STOX2: variants seen among roughly 807,000 people sequenced by gnomAD.
STOX2 encodes storkhead box 2, also known as storkhead-box protein 2.
A neutral mutation model predicts 60.9 loss-of-function variants in STOX2; 28 were observed. The ratio of observed to expected loss-of-function variants is 0.46; its 90% confidence interval spans 0.34 to 0.63. The LOEUF is 0.63. Ranked by LOEUF, STOX2 falls within the 30% of genes least tolerant of loss-of-function variation. The pLI is 0.01. For missense variants in STOX2, 1,024 were observed against 1,187.7 expected, an observed-to-expected ratio of 0.86 and a Z score of 2.03; for synonymous variants, 472 against 463.9, an observed-to-expected ratio of 1.02 and a Z score of -0.22.
At chr4:183,928,924 T>C (rs1742324235) in intron 1 of STOX2, among the ~76,000 whole-genome samples, 1 of 152,110 alleles carries the variant, frequency 6.6e-6, no homozygotes, top group Admixed American at 6.6e-5. Flanking sequence ...AAAATGACGA[T>C]GTCTGAGAAA....
intron 1 of STOX2, among the ~76,000 whole-genome samples, chr4:183,976,796 A>AGGAT: frequency 6.6e-6 from 1 of 152,360 alleles, no homozygotes; most frequent in South Asian, 2.1e-4. Flanking sequence ...AAACAGGGCA[A>AGGAT]GGATGTTCAC....
intron 1 of STOX2, among the ~76,000 whole-genome samples, chr4:183,835,471 G>A (rs1422747373): frequency 1.3e-5 from 2 of 152,046 alleles, no homozygotes; most frequent in African/African-American, 4.8e-5. Flanking sequence ...TGATCCACCT[G>A]CCTCGGCCTC....
Position 183,995,848 on chromosome 4 carries a change from A to G in STOX2, c.167-5477A>G, listed in dbSNP as rs558511732. On this transcript the variant is annotated intron_variant, in intron 1 of 3. Coordinates refer to ENST00000308497, the MANE Select transcript of STOX2 (RefSeq NM_020225.3). The stretch of plus-strand genomic sequence containing the variant: ...GAACCTGCCGCAGCTCCCCAGTCTC[A>G]GCTCCCCGGGCTGCCTGGGCTCAGC... Among the ~76,000 whole-genome samples, 229 of 152,284 alleles carry G rather than the reference A, an allele frequency of 1.5e-3. 1 individual carries two copies. The highest frequency in any genetic ancestry group is 5.1e-3 in the African/African-American group (214 of 41,562).
At chr4:183,850,769 C>T (rs1034717569) in intron 1 of STOX2, among the ~76,000 whole-genome samples, 3 of 152,018 alleles carry the variant, frequency 2.0e-5, no homozygotes, top group Admixed American at 6.6e-5. Context: ...AACATGTTGC[C>T]ACCTTCTCCT....
At chr4:183,996,891 T>C (rs1733367955) in intron 1 of STOX2, among the ~76,000 whole-genome samples, 1 of 152,258 alleles carries the variant, frequency 6.6e-6, no homozygotes, top group South Asian at 2.1e-4. Context: ...ATTTGTTCTC[T>C]TTTTGTTTGC....
chr4:183,940,100 G>A (rs1235938067), intron 1 of STOX2, among the ~76,000 whole-genome samples: 5 of 152,116 alleles, frequency 3.3e-5, no homozygotes, highest in East Asian at 1.9e-4. Flanking sequence ...TCGGGGTTTC[G>A]CCATGCTGGA....
chr4:183,905,487 C>T lies in STOX2; in HGVS notation c.-1304C>T, dbSNP rs996367199. 1.3e-5 allele frequency: 2 copies of T among 152,226 alleles called. No individual in the cohort carries two copies. Among genetic ancestry groups the T allele is most frequent in the Non-Finnish European group, 2.9e-5 (2 of 68,086 alleles). The allele number at this position is 152,226 out of a possible 1,614,324, so 9.4% of individuals were successfully genotyped here. ...CGGCGTGTGCGGTTGTGGGGGAGCT[C>T]GCCGTGGCCTCCCCTCCCTCTGGCT... On this transcript the variant is annotated 5_prime_UTR_variant, in exon 1 of 4. Transcript: ENST00000308497.
chr4:183,967,449 G>A (rs1358273958), intron 1 of STOX2, among the ~76,000 whole-genome samples: 5 of 151,950 alleles, frequency 3.3e-5, no homozygotes, highest in South Asian at 2.1e-4. Flanking sequence ...GTTTATCATC[G>A]AGAAAGTGAG....
intron 1 of STOX2, among the ~76,000 whole-genome samples, chr4:183,813,941 CAT>C (rs1176613130): frequency 6.6e-6 from 1 of 152,158 alleles, no homozygotes; most frequent in Non-Finnish European, 1.5e-5. Flanking sequence ...TCTAAATGTT[CAT>C]ATAGTTTGAT....
intron 1 of STOX2, among the ~76,000 whole-genome samples, chr4:183,979,483 T>C (rs1374801200): frequency 6.6e-5 from 10 of 152,190 alleles, no homozygotes; most frequent in Non-Finnish European, 1.5e-4. Flanking sequence ...ATTAACCAGA[T>C]CAGTACTGTC....
At chr4:183,979,205 G>A (rs1732562169) in intron 1 of STOX2, among the ~76,000 whole-genome samples, 4 of 152,148 alleles carry the variant, frequency 2.6e-5, no homozygotes. Context: ...TGGATGGCCA[G>A]AGCAGGAGAA....
chr4:183,988,334 C>T (rs1486110296), intron 1 of STOX2: 2 of 151,998 alleles, frequency 1.3e-5, no homozygotes. Flanking sequence ...GGGATGTTGG[C>T]TCAGCAAGTG....
At chr4:183,854,387 A>G (rs1295133536) in intron 1 of STOX2, among the ~76,000 whole-genome samples, 1 of 152,152 alleles carries the variant, frequency 6.6e-6, no homozygotes, top group East Asian at 1.9e-4. Flanking sequence ...TAGAGACTAA[A>G]CATAAAACAT....
intron 1 of STOX2, among the ~76,000 whole-genome samples, chr4:183,978,664 G>A (rs1454617497): frequency 6.6e-6 from 1 of 152,122 alleles, no homozygotes; most frequent in African/African-American, 2.4e-5. Context: ...CAACAGCATG[G>A]ATACATTTTA....
At chr4:184,006,994 C>T (rs550514984) in intron 2 of STOX2, among the ~76,000 whole-genome samples, 10 of 109,014 alleles carry the variant, frequency 9.2e-5, no homozygotes, top group East Asian at 2.9e-4. Flanking sequence ...CCAGCCTGGG[C>T]GACAGAGCGA....
Position 183,947,083 on chromosome 4 carries a change from G to T in STOX2, c.166+40127G>T, listed in dbSNP as rs1356069989. On this transcript the variant is annotated intron_variant, in intron 1 of 3. Coordinates refer to ENST00000308497, the MANE Select transcript of STOX2 (RefSeq NM_020225.3). The stretch of plus-strand genomic sequence containing the variant: ...CCGTGGATTTCGGTATCCTGGTGGG[G>T]GGTGGGGCAAGGGGGCTCCTGGAAC... Among the ~76,000 whole-genome samples the T allele has an allele frequency of 3.1e-4, 12 of 38,966 alleles. No homozygotes were observed. The Admixed American group carries it at 3.6e-3, about 12-fold the overall frequency. The allele number at this position is 38,966 out of a possible 152,430, so 25.6% of individuals were successfully genotyped here.
At chr4:183,838,365 A>G (rs539128925) in intron 1 of STOX2, among the ~76,000 whole-genome samples, 1 of 151,924 alleles carries the variant, frequency 6.6e-6, no homozygotes, top group East Asian at 1.9e-4. Flanking sequence ...TTTGTTAAAT[A>G]AATAAATACA....
chr4:183,920,530 C>T (rs183997383), intron 1 of STOX2, among the ~76,000 whole-genome samples: 2 of 152,274 alleles, frequency 1.3e-5, no homozygotes, highest in African/African-American at 4.8e-5. Flanking sequence ...TTTTAGGGCT[C>T]CTTGCATATT....
At chr4:183,954,236 G>C (rs1236388592) in intron 1 of STOX2, among the ~76,000 whole-genome samples, 1 of 152,150 alleles carries the variant, frequency 6.6e-6, no homozygotes, top group African/African-American at 2.4e-5. Context: ...CTGGCGGATT[G>C]ATTTCTGCCC....
Sources: allele counts gnomAD v4.1 joint callset (sites outside exome capture counted in the v4.1 genomes callset), GRCh38; gene constraint gnomAD v4.1.1; transcripts MANE v1.5; gene names NCBI Gene and HGNC (gene_info 2026-07-23, HGNC 2026-07-21).